The following AGR3 variants were observed in gnomAD, a reference collection of about 807,000 sequenced individuals.
AGR3 encodes the protein anterior gradient 3, protein disulphide isomerase family member.
A neutral mutation model predicts 24.5 loss-of-function variants in AGR3; 37 were observed. That is an observed-to-expected ratio of 1.51 (90% CI 1.16 to 1.99). AGR3 has a LOEUF of 1.99. AGR3 is among the 30% of genes most tolerant of loss of function. The probability of loss-of-function intolerance (pLI) is 0.00; values close to 1 mark genes in which losing one functional copy is unlikely to be tolerated. For synonymous variants in AGR3, 75 were observed against 61.6 expected, an observed-to-expected ratio of 1.22 and a Z score of -1.02; for missense variants, 228 against 191.1, an observed-to-expected ratio of 1.19 and a Z score of -1.14.
At chr7:16,879,106 A>G (rs746148630) in intron 1 of AGR3, among the ~76,000 whole-genome samples, 36 of 152,234 alleles carry the variant, frequency 2.4e-4, no homozygotes, top group Non-Finnish European at 4.3e-4. Flanking sequence ...TTATACATGA[A>G]TAAATATTGC....
At chr7:16,880,174 CTTTT>C (rs148378416) in intron 1 of AGR3, among the ~76,000 whole-genome samples, 2 of 116,438 alleles carry the variant, frequency 1.7e-5, no homozygotes, top group Non-Finnish European at 1.8e-5. Context: ...TCCTTTCTTT[CTTTT>C]TTTTTTTTTT....
downstream of AGR3, among the ~76,000 whole-genome samples, chr7:16,856,404 A>G (rs546985468): frequency 2.0e-5 from 3 of 152,354 alleles, no homozygotes; most frequent in Admixed American, 2.0e-4. Context: ...TGACAATATT[A>G]GCAAATAAAA....
chr7:16,872,932 A>G (rs1290088766), intron 3 of AGR3, among the ~76,000 whole-genome samples: 1 of 152,236 alleles, frequency 6.6e-6, no homozygotes, highest in Non-Finnish European at 1.5e-5. Context: ...AACTGATATT[A>G]TCAAAAAGAC....
rs138611812 is a variant in AGR3, at chr7:16,871,261, T to C, written c.173+2519A>G. ...TTATACAACATACTCAAAAGCTTGA[T>C]TGAGTAATGAAGACATTAATACAGA... On this transcript the variant is annotated intron_variant, in intron 3 of 7. Transcript: ENST00000310398. 2.8e-3 allele frequency among the ~76,000 whole-genome samples: 432 copies of C among 152,262 alleles called. 1 individual carries two copies. Among genetic ancestry groups the C allele is most frequent in the African/African-American group, 9.9e-3 (411 of 41,546 alleles).
chr7:16,863,430 T>C (rs929812065), intron 3 of AGR3, among the ~76,000 whole-genome samples: 20 of 152,178 alleles, frequency 1.3e-4, no homozygotes, highest in Non-Finnish European at 2.2e-4. Context: ...CCCTATTTCA[T>C]ACATTTTTGG....
At chr7:16,874,083 T>G (rs2115313329) in intron 2 of AGR3, among the ~76,000 whole-genome samples, 1 of 152,312 alleles carries the variant, frequency 6.6e-6, no homozygotes, top group South Asian at 2.1e-4. Context: ...TTGAACCCAG[T>G]AAGTACTCAA....
At chr7:16,868,308 A>G (rs1411202611) in intron 3 of AGR3, among the ~76,000 whole-genome samples, 2 of 151,960 alleles carry the variant, frequency 1.3e-5, no homozygotes, top group African/African-American at 2.4e-5. Context: ...GGCATGCACC[A>G]CTATGCCTGG....
intron 3 of AGR3, 156 bp downstream of exon 3, chr7:16,873,624 G>T: frequency 1.6e-6 from 1 of 609,858 alleles, no homozygotes; most frequent in Non-Finnish European, 2.9e-6. Context: ...AGAAAGAAAT[G>T]ATATGTTTCA....
At chr7:16,865,539 A>G in intron 3 of AGR3, 1 of 690,884 alleles carries the variant, frequency 1.4e-6, no homozygotes, top group Non-Finnish European at 2.7e-6. Flanking sequence ...GTCACAGATT[A>G]TAAATATAAA....
chr7:16,874,658 T>C (rs943865774), intron 2 of AGR3, among the ~76,000 whole-genome samples: 4 of 152,184 alleles, frequency 2.6e-5, no homozygotes, highest in Non-Finnish European at 5.9e-5. Flanking sequence ...TTCTTGTACA[T>C]TTCAAATGTT....
At chr7:16,865,537 TTATAAA>T in intron 3 of AGR3, 1 of 692,004 alleles carries the variant, frequency 1.4e-6, no homozygotes, top group Non-Finnish European at 2.7e-6. Flanking sequence ...CTGTCACAGA[TTATAAA>T]TATAAAAGGA....
At position 16,878,493 on chromosome 7, in the gene AGR3, A is replaced by C; in HGVS notation, c.109+17T>G. On this transcript the variant is annotated intron_variant, in intron 2 of 7. Coordinates refer to ENST00000310398, the MANE Select transcript of AGR3 (RefSeq NM_176813.5). Reference sequence around the variant, plus strand: ...TCCAAATGACTGAGTTTAGAAAATAAAATGAGATTACAGCACCTCTTGAGA... The same window carrying C: ...TCCAAATGACTGAGTTTAGAAAATACAATGAGATTACAGCACCTCTTGAGA... The C allele has an allele frequency of 6.3e-7, 1 of 1,599,788 alleles. No homozygotes were observed. Among genetic ancestry groups the C allele is most frequent in the African/African-American group, 1.3e-5 (1 of 74,578 alleles).
chr7:16,864,826 G>T, intron 3 of AGR3: 1 of 885,740 alleles, frequency 1.1e-6, no homozygotes, highest in Non-Finnish European at 1.9e-6. Flanking sequence ...AGCTATAGAT[G>T]TCCTATATTT....
At chr7:16,858,123 G>A (rs1347451763), downstream of AGR3, among the ~76,000 whole-genome samples, 4 of 151,914 alleles carry the variant, frequency 2.6e-5, no homozygotes, top group East Asian at 7.7e-4. Context: ...GAGTAGCTGG[G>A]ATTACAGGTG....
Position 16,862,676 on chromosome 7 carries a change from G to T in AGR3, c.174-14C>A. On this transcript the variant is annotated splice_polypyrimidine_tract_variant and intron_variant, in intron 3 of 7. Coordinates refer to ENST00000310398, the MANE Select transcript of AGR3 (RefSeq NM_176813.5). ...AATGGCTTCTTACTAAACAAAGAAA[G>T]TATGGAATTAAGTCAAATGATTAAC... 1 of 1,530,120 alleles carries T rather than the reference G, an allele frequency of 6.5e-7. No homozygotes were observed. The highest frequency in any genetic ancestry group is 8.8e-7 in the Non-Finnish European group (1 of 1,141,612). 94.8% of individuals were successfully genotyped at this position (1,530,120 alleles called of 1,614,324 possible).
downstream of AGR3, among the ~76,000 whole-genome samples, chr7:16,859,167 G>A (rs1047950773): frequency 2.0e-5 from 3 of 151,858 alleles, no homozygotes; most frequent in African/African-American, 7.3e-5. Flanking sequence ...GCAGGCCAAG[G>A]TTGGAGGATT....
intron 3 of AGR3, among the ~76,000 whole-genome samples, chr7:16,863,370 C>A (rs1781686451): frequency 1.3e-5 from 2 of 152,120 alleles, no homozygotes; most frequent in Non-Finnish European, 2.9e-5. Flanking sequence ...ATTTTCACAT[C>A]CTTTCATTCT....
At chr7:16,858,578 A>G (rs989127054), downstream of AGR3, among the ~76,000 whole-genome samples, 2 of 152,188 alleles carry the variant, frequency 1.3e-5, no homozygotes, top group Non-Finnish European at 2.9e-5. Context: ...CCAATAATTA[A>G]GAAGAACATG....
chr7:16,876,223 G>A (rs1781984113), intron 2 of AGR3, among the ~76,000 whole-genome samples: 1 of 152,124 alleles, frequency 6.6e-6, no homozygotes, highest in Admixed American at 6.6e-5. Context: ...CTGTTACACA[G>A]TTTAAATGCA....
Sources: allele counts gnomAD v4.1 joint callset (sites outside exome capture counted in the v4.1 genomes callset), GRCh38; gene constraint gnomAD v4.1.1; transcripts MANE v1.5; gene names NCBI Gene and HGNC (gene_info 2026-07-23, HGNC 2026-07-21).